METTL21C: variants seen among roughly 807,000 people sequenced by gnomAD.
METTL21C encodes the protein methyltransferase 21C, AARS1 lysine.
METTL21C carries 21 observed loss-of-function variants against 25.9 expected under a neutral mutation model. The ratio of observed to expected loss-of-function variants is 0.81; its 90% CI spans 0.58 to 1.17. METTL21C has a LOEUF of 1.17. Ranked by LOEUF, METTL21C falls within the 50% of genes most tolerant of loss-of-function variation. The pLI is 0.00. For missense variants in METTL21C, 312 were observed against 315.1 expected (o/e 0.99, Z 0.07); for synonymous variants, 125 against 124.7 (o/e 1.00, Z -0.01).
chr13:102,686,707 C>T (rs561341116), intron 3 of METTL21C, among the ~76,000 whole-genome samples: 1 of 152,318 alleles, frequency 6.6e-6, no homozygotes, highest in Non-Finnish European at 1.5e-5. Context: ...AGAGTCATGC[C>T]TCTGGACTCA....
In METTL21C at chr13:102,686,202, G is replaced by A; in HGVS notation, c.624C>T (p.Thr208=). The A allele has an allele frequency of 6.2e-7, 1 of 1,614,214 alleles. No individual in the cohort carries two copies. The highest frequency in any genetic ancestry group is 1.6e-4 in the Middle Eastern group (1 of 6,062). ...HHYFLDKLLT[T]MVYLSQPGTV... ...TCCCTGGCTGGGAAAGGTACACCAT[G>A]GTGGTGAGCAGCTTGTCCAGGAAGT... Residue 208 remains threonine (T), a synonymous_variant, in exon 4 of 4, where the codon ACC becomes ACT. Transcript: ENST00000267273.
At chr13:102,689,912 G>A (rs185457255) in intron 2 of METTL21C, among the ~76,000 whole-genome samples, 10 of 152,144 alleles carry the variant, frequency 6.6e-5, no homozygotes, top group Non-Finnish European at 1.0e-4. Flanking sequence ...TAGACATTAC[G>A]ACCACCCTAG....
upstream of METTL21C, among the ~76,000 whole-genome samples, chr13:102,697,264 G>A (rs1463276850): frequency 1.3e-5 from 2 of 152,016 alleles, no homozygotes; most frequent in Admixed American, 6.5e-5. Context: ...TGGCTCTCTT[G>A]GGCTGTGGTT....
upstream of METTL21C, among the ~76,000 whole-genome samples, chr13:102,696,874 A>G (rs1371160449): frequency 1.3e-5 from 2 of 152,292 alleles, no homozygotes; most frequent in Admixed American, 6.5e-5. Flanking sequence ...TGAGTGCCCA[A>G]GCAGCCACGG....
At chr13:102,689,694 G>A (rs758034668) in intron 2 of METTL21C, among the ~76,000 whole-genome samples, 1 of 152,174 alleles carries the variant, frequency 6.6e-6, no homozygotes. Context: ...GGCTCTGAGG[G>A]CCACTGTCTA....
At position 102,685,876 on chromosome 13, in the gene METTL21C, AG is replaced by A. The variant is rs780354761; in HGVS notation, c.*154del. 21 of 606,658 alleles carry A rather than the reference AG, an allele frequency of 3.5e-5. No individual in the cohort carries two copies. Among genetic ancestry groups the A allele is most frequent in the Non-Finnish European group, 5.6e-5 (21 of 377,110 alleles). 37.6% of individuals were successfully genotyped at this position (606,658 alleles called of 1,614,324 possible). Reference sequence around the variant, plus strand: ...ATAATCTTAAATTATCTTAGAAATTAGAAAGTTTCTGCAGTATTGTTACATT... The same window carrying A: ...ATAATCTTAAATTATCTTAGAAATTAAAAGTTTCTGCAGTATTGTTACATT... On this transcript the variant is annotated 3_prime_UTR_variant, in exon 4 of 4. Transcript: ENST00000267273.
At chr13:102,697,032 A>T (rs1345775958), upstream of METTL21C, among the ~76,000 whole-genome samples, 1 of 152,154 alleles carries the variant, frequency 6.6e-6, no homozygotes, top group Non-Finnish European at 1.5e-5. Flanking sequence ...CACGCTGATG[A>T]AGTCAGTTAC....
intron 1 of METTL21C, among the ~76,000 whole-genome samples, chr13:102,693,676 C>T (rs1240018893): frequency 1.3e-5 from 2 of 152,186 alleles, no homozygotes; most frequent in Non-Finnish European, 2.9e-5. Flanking sequence ...GGTTCTACAA[C>T]GATAAAGAAA....
upstream of METTL21C, among the ~76,000 whole-genome samples, chr13:102,695,848 A>C (rs1885938121): frequency 1.3e-5 from 2 of 152,244 alleles, no homozygotes; most frequent in African/African-American, 4.8e-5. Context: ...TATGAGAAAT[A>C]GCAAAAAGAT....
chr13:102,686,688 C>G (rs1885684706), intron 3 of METTL21C, among the ~76,000 whole-genome samples: 2 of 152,174 alleles, frequency 1.3e-5, no homozygotes, highest in Non-Finnish European at 2.9e-5. Context: ...GGATTGACAA[C>G]AGAGATTCAG....
At chr13:102,692,296 G>A (rs1566389935) in intron 1 of METTL21C, among the ~76,000 whole-genome samples, 1 of 151,124 alleles carries the variant, frequency 6.6e-6, no homozygotes, top group Non-Finnish European at 1.5e-5. Flanking sequence ...CAGGTCGGGG[G>A]CAGGGCCTCC....
At chr13:102,692,282 C>T (rs1232483472) in intron 1 of METTL21C, among the ~76,000 whole-genome samples, 2 of 141,312 alleles carry the variant, frequency 1.4e-5, no homozygotes, top group African/African-American at 5.1e-5. Context: ...AGCAGGGCAT[C>T]CCTCAGGTCG....
At chr13:102,703,059 G>C in the METTL21C span, among the ~76,000 whole-genome samples, 1 of 152,190 alleles carries the variant, frequency 6.6e-6, no homozygotes, top group Non-Finnish European at 1.5e-5. Context: ...AATTGATGGA[G>C]AGACAGCTTC....
upstream of METTL21C, among the ~76,000 whole-genome samples, chr13:102,696,669 G>C (rs1307744281): frequency 6.6e-6 from 1 of 152,140 alleles, no homozygotes; most frequent in Middle Eastern, 3.2e-3. Flanking sequence ...GGACTTACCT[G>C]TAGGCAGAGG....
At chr13:102,693,439 G>C (rs1885877638) in intron 1 of METTL21C, among the ~76,000 whole-genome samples, 1 of 152,144 alleles carries the variant, frequency 6.6e-6, no homozygotes, top group Non-Finnish European at 1.5e-5. Context: ...CGGCTTCCCT[G>C]CCCTGCCCCA....
chr13:102,689,219 A>G (rs779752422), intron 2 of METTL21C, among the ~76,000 whole-genome samples: 36 of 152,276 alleles, frequency 2.4e-4, no homozygotes, highest in Admixed American at 1.1e-3. Flanking sequence ...CATAAGCCAC[A>G]TGCCCGGCCT....
At chr13:102,699,594 G>A (rs1315779452), upstream of METTL21C, among the ~76,000 whole-genome samples, 1 of 152,188 alleles carries the variant, frequency 6.6e-6, no homozygotes, top group Non-Finnish European at 1.5e-5. Context: ...TTCCCTCCCA[G>A]AGAAGTGAGG....
chr13:102,702,376 G>C, the METTL21C span, among the ~76,000 whole-genome samples: 1 of 152,112 alleles, frequency 6.6e-6, no homozygotes. Flanking sequence ...CACTGTCACT[G>C]TTCCTATTTA....
upstream of METTL21C, among the ~76,000 whole-genome samples, chr13:102,699,983 C>A (rs917113329): frequency 3.3e-5 from 5 of 152,204 alleles, no homozygotes; most frequent in African/African-American, 9.7e-5. Flanking sequence ...ACAATTAAAT[C>A]CTATACCCAC....
Sources: allele counts gnomAD v4.1 joint callset (sites outside exome capture counted in the v4.1 genomes callset), GRCh38; gene constraint gnomAD v4.1.1; transcripts MANE v1.5; gene names NCBI Gene and HGNC (gene_info 2026-07-23, HGNC 2026-07-21).